The following TGM1 variants were observed in gnomAD, a reference collection of about 807,000 sequenced individuals.
The protein encoded by TGM1 is protein-glutamine gamma-glutamyltransferase K.
A neutral mutation model predicts 88.7 loss-of-function variants in TGM1; 63 were observed. That is an observed-to-expected ratio of 0.71 (90% CI 0.58 to 0.88). The LOEUF (loss-of-function observed/expected upper bound fraction) is 0.88. Ranked by LOEUF, TGM1 falls within the 40% of genes least tolerant of loss-of-function variation. The probability of loss-of-function intolerance (pLI) is 0.00; values close to 1 mark genes in which losing one functional copy is unlikely to be tolerated. For missense variants in TGM1, 996 were observed against 1,118.0 expected, an observed-to-expected ratio of 0.89 and a Z score of 1.56; for synonymous variants, 415 against 431.1, an observed-to-expected ratio of 0.96 and a Z score of 0.46.
intron 14 of TGM1, among the ~76,000 whole-genome samples, chr14:24,252,956 C>A (rs1451021641): frequency 6.6e-6 from 1 of 152,200 alleles, no homozygotes; most frequent in South Asian, 2.1e-4. Context: ...AGCCGCAGGC[C>A]CAGGAACACA....
rs41293826 is a variant in TGM1 at position 24,254,325 on chromosome 14, C to T, written c.2089-37G>A. On this transcript the variant is annotated intron_variant, in intron 13 of 14. Transcript: ENST00000206765. ...AGAGGCCCATCCCCCACGTCAGAGA[C>T]CCTGGCCAAACACACGGGGACCGTA... 6,464 of 1,613,772 alleles carry T rather than the reference C, an allele frequency of 4.0e-3. 14 individuals carry two copies. The highest frequency in any genetic ancestry group is 6.1e-3 in the Admixed American group (368 of 60,006).
chr14:24,260,281 C>A, intron 4 of TGM1, 169 bp downstream of exon 4: 1 of 1,177,470 alleles, frequency 8.5e-7, no homozygotes, highest in Non-Finnish European at 1.2e-6. Flanking sequence ...GCTGTGTGAC[C>A]CTGGGCTGGC....
chr14:24,261,930 G>C, intron 2 of TGM1, 47 bp from the exon 3 acceptor site: 1 of 1,610,794 alleles, frequency 6.2e-7, no homozygotes, highest in Non-Finnish European at 8.5e-7. Context: ...GAGGAGCCCA[G>C]GCCCTTATCA....
At position 24,259,796 on chromosome 14, in the gene TGM1, G is replaced by A. The variant is rs2139025066; in HGVS notation, c.892C>T (p.Leu298=). The change falls in exon 6 of 15, where the codon CTG becomes TTG. Residue 298 remains leucine (L), a synonymous_variant. Transcript: ENST00000206765. This position sits in a 1 kb window ranked among gnomAD's most constrained non-coding sequence, Gnocchi z 5.7. Reference sequence around the variant, plus strand: ...TCCAGGATGTATAAGCAGGCATCCAGCACCCCGTGGTCAAACTGGAAGGAG... The same window carrying A: ...TCCAGGATGTATAAGCAGGCATCCAACACCCCGTGGTCAAACTGGAAGGAG... ...WNYGQFDHGV[L]DACLYILDRR... is the part of the protein sequence containing the mutation. 1 of 1,613,112 alleles carries A rather than the reference G, an allele frequency of 6.2e-7. No homozygotes were observed. Among genetic ancestry groups the A allele is most frequent in the Non-Finnish European group, 8.5e-7 (1 of 1,179,892 alleles).
intron 4 of TGM1, 86 bp from the exon 5 acceptor site, chr14:24,260,144 G>T: frequency 1.6e-6 from 2 of 1,247,838 alleles, no homozygotes; most frequent in Non-Finnish European, 2.3e-6. Flanking sequence ...CAGGACTCAT[G>T]TCCACAGAAG....
chr14:24,262,066 C>T lies in TGM1; in HGVS notation c.287G>A (p.Gly96Asp). 1 of 1,613,710 alleles carries T rather than the reference C, an allele frequency of 6.2e-7. No homozygotes were observed. Among genetic ancestry groups the T allele is most frequent in the South Asian group, 1.1e-5 (1 of 91,080 alleles). The change falls in exon 2 of 15, where the codon GGT becomes GAT. Residue 96 changes from glycine to aspartate, a missense_variant. By Grantham distance (94) the Gly-to-Asp change is moderately conservative (BLOSUM62 -1). Transcript: ENST00000206765. ...DSRRPVSRGS[G>D]VNAAGDGTIR... ...GGTGCCATCTCCAGCTGCATTGACA[C>T]CGCTGCCCCGGGATACAGGCCGGCG... is the stretch of plus-strand genomic sequence containing the variant.
rs770000251 is a variant in TGM1, at chr14:24,254,295, GA to G, written c.2089-8del. On this transcript the variant is annotated splice_polypyrimidine_tract_variant and splice_region_variant and intron_variant, in intron 13 of 14. Coordinates refer to ENST00000206765, the MANE Select transcript of TGM1 (RefSeq NM_000359.3). The stretch of plus-strand genomic sequence containing the variant: ...CCACTGCTGCTCCCAGTAACTGAGA[GA>G]AAAAGAGGCCCATCCCCCACGTCAG... 3 of 1,613,982 alleles carry G rather than the reference GA, an allele frequency of 1.9e-6. No homozygotes were observed. Among genetic ancestry groups the G allele is most frequent in the South Asian group, 1.1e-5 (1 of 91,066 alleles).
intron 14 of TGM1, among the ~76,000 whole-genome samples, chr14:24,253,740 C>T (rs942055833): frequency 6.6e-6 from 1 of 152,212 alleles, no homozygotes; most frequent in African/African-American, 2.4e-5. Flanking sequence ...CCTTGGCCTG[C>T]CAAAGTGCTG....
intron 9 of TGM1, among the ~76,000 whole-genome samples, chr14:24,257,387 G>A (rs997262110): frequency 6.6e-5 from 10 of 152,168 alleles, no homozygotes; most frequent in Non-Finnish European, 1.0e-4. Flanking sequence ...TCTAATTTCT[G>A]CAGAAACACA....
At position 24,256,062 on chromosome 14, in the gene TGM1, C is replaced by T; in HGVS notation, c.1418G>A (p.Gly473Asp). The T allele has an allele frequency of 1.3e-6, 2 of 1,567,596 alleles. No individual in the cohort carries two copies. Among genetic ancestry groups the T allele is most frequent in the Non-Finnish European group, 1.7e-6 (2 of 1,155,094 alleles). ...CTTGATGGACTCCACAGAGCAGGGG[C>T]CGCAGCAGAAGATGCCTAGAGAGTG... is the stretch of plus-strand genomic sequence containing the variant. ...QETSSGIFCC[G>D]PCSVESIKNG... The change falls in exon 10 of 15, where the codon GGC becomes GAC. Residue 473 changes from glycine to aspartate, a missense_variant. Transcript: ENST00000206765.
chr14:24,251,441 T>C (rs570193210), intron 14 of TGM1, among the ~76,000 whole-genome samples: 1 of 152,346 alleles, frequency 6.6e-6, no homozygotes, highest in South Asian at 2.1e-4. Context: ...AACTGTTTTC[T>C]AGGTGGAAAT....
chr14:24,259,851 C>T lies in TGM1; in HGVS notation c.877-40G>A. The T allele has an allele frequency of 6.2e-7, 1 of 1,610,108 alleles. No homozygotes were observed. The highest frequency in any genetic ancestry group is 8.5e-7 in the Non-Finnish European group (1 of 1,177,406). On this transcript the variant is annotated intron_variant, in intron 5 of 14. Coordinates refer to ENST00000206765, the MANE Select transcript of TGM1 (RefSeq NM_000359.3). This position sits in a 1 kb window ranked among gnomAD's most constrained non-coding sequence, Gnocchi z 5.7. ...GGAGGGCAGAGGTGACAGCCTGAAC[C>T]CTAGGCCAGCACCCTGCTCCAATAC...
chr14:24,249,930 C>T (rs2040686697), intron 14 of TGM1, among the ~76,000 whole-genome samples: 2 of 152,166 alleles, frequency 1.3e-5, no homozygotes, highest in South Asian at 4.1e-4. Context: ...CAAAATGAGA[C>T]TTTGGGGGCC....
intron 9 of TGM1, among the ~76,000 whole-genome samples, chr14:24,256,712 G>A (rs2040754505): frequency 6.6e-6 from 1 of 152,160 alleles, no homozygotes; most frequent in South Asian, 2.1e-4. Flanking sequence ...TGGTAAGTGA[G>A]TACCATCCAA....
intron 14 of TGM1, among the ~76,000 whole-genome samples, chr14:24,253,551 C>T (rs1450159316): frequency 6.6e-6 from 1 of 152,188 alleles, no homozygotes; most frequent in African/African-American, 2.4e-5. Flanking sequence ...AAACATGGCT[C>T]ACTTCAGCCT....
chr14:24,260,860 T>A (rs977356693), intron 3 of TGM1, among the ~76,000 whole-genome samples, 162 bp from the exon 4 acceptor site: 3 of 152,208 alleles, frequency 2.0e-5, no homozygotes, highest in Non-Finnish European at 4.4e-5. Flanking sequence ...AGAGCAGCTC[T>A]GTCTCCACCC....
At chr14:24,253,632 C>T (rs2040719327) in intron 14 of TGM1, among the ~76,000 whole-genome samples, 1 of 152,150 alleles carries the variant, frequency 6.6e-6, no homozygotes, top group African/African-American at 2.4e-5. Flanking sequence ...GCGCACAGCA[C>T]CAAACCTGGT....
intron 3 of TGM1, 57 bp from the exon 4 acceptor site, chr14:24,260,755 G>A (rs2040802273): frequency 1.2e-6 from 2 of 1,611,928 alleles, no homozygotes; most frequent in East Asian, 4.5e-5. Context: ...AGGGGATGGA[G>A]CCTGGGACTT....
chr14:24,254,232 G>T lies in TGM1; in HGVS notation c.2145C>A (p.Asn715Lys). 2 of 1,614,052 alleles carry T rather than the reference G, an allele frequency of 1.2e-6. No homozygotes were observed. The highest frequency in any genetic ancestry group is 2.2e-5 in the South Asian group (2 of 91,066). ...CATTGGTGAGGGTGACGGGAAGGGG[G>T]TTCTTGAAGACAATCTGTACTTCAC... is the stretch of plus-strand genomic sequence containing the variant. ...QECEVQIVFK[N>K]PLPVTLTNVV... The change falls in exon 14 of 15, where the codon AAC becomes AAA. Residue 715 changes from asparagine (N) to lysine (K), a missense_variant. By Grantham distance (94) the Asn-to-Lys change is moderately conservative (BLOSUM62 0). Transcript: ENST00000206765.
Sources: allele counts gnomAD v4.1 joint callset (sites outside exome capture counted in the v4.1 genomes callset), GRCh38; gene constraint gnomAD v4.1.1; non-coding constraint Gnocchi (gnomAD v3.1); transcripts MANE v1.5; gene names NCBI Gene and HGNC (gene_info 2026-07-23, HGNC 2026-07-21).